Variants in FAM227B observed in about 807,000 individuals in gnomAD.
The protein encoded by FAM227B is protein FAM227B.
Under a neutral mutation model 73.8 loss-of-function variants are expected in FAM227B, and 88 were observed. The observed-to-expected ratio is 1.19, with a 90% CI of 1.00 to 1.42. The LOEUF is 1.42. Ranked by LOEUF, FAM227B falls within the 40% of genes most tolerant of loss-of-function variation. The probability of loss-of-function intolerance (pLI) is 0.00; values close to 1 mark genes in which losing one functional copy is unlikely to be tolerated. For missense variants in FAM227B, 632 were observed against 590.9 expected (o/e 1.07, Z -0.72); for synonymous variants, 210 against 190.5 (o/e 1.10, Z -0.84).
At chr15:49,555,434 AG>A (rs2073554811) in intron 9 of FAM227B, among the ~76,000 whole-genome samples, 1 of 152,142 alleles carries the variant, frequency 6.6e-6, no homozygotes, top group South Asian at 2.1e-4. Flanking sequence ...TAAATTGGTG[AG>A]GTTTCCTTTG....
At chr15:49,413,996 T>C (rs1465041642) in intron 11 of FAM227B, among the ~76,000 whole-genome samples, 1 of 152,040 alleles carries the variant, frequency 6.6e-6, no homozygotes. Context: ...CATAGTAACC[T>C]ATTTATTTCC....
rs1325401346 is a variant in FAM227B at position 49,328,351 on chromosome 15, A to G, written c.*217T>C. 1.4e-6 allele frequency: 2 copies of G among 1,429,098 alleles called. No individual in the cohort carries two copies. The highest frequency in any genetic ancestry group is 1.8e-6 in the Non-Finnish European group (2 of 1,095,382). 88.5% of individuals were successfully genotyped at this position (1,429,098 alleles called of 1,614,324 possible). A position where few individuals can be genotyped will look rare whatever the true frequency, so the allele number is the denominator to read the frequency against. ...AATGATTCTTTTTCCATCTTAAAATATGGTTTTACTATTAAGAGCCAAGAT... is the reference window on the plus strand; with the variant it reads ...AATGATTCTTTTTCCATCTTAAAATGTGGTTTTACTATTAAGAGCCAAGAT... On this transcript the variant is annotated 3_prime_UTR_variant, in exon 16 of 16. Transcript: ENST00000299338.
chr15:49,378,247 T>G (rs183280142), intron 11 of FAM227B, among the ~76,000 whole-genome samples: 1 of 151,970 alleles, frequency 6.6e-6, no homozygotes, highest in African/African-American at 2.4e-5. Context: ...TACCATGCTG[T>G]TTTGGTTCCT....
chr15:49,499,635 T>C (rs2057973969), intron 11 of FAM227B, among the ~76,000 whole-genome samples: 1 of 152,236 alleles, frequency 6.6e-6, no homozygotes, highest in Non-Finnish European at 1.5e-5. Flanking sequence ...TTATAGTACC[T>C]AACTTCAAGA....
intron 12 of FAM227B, among the ~76,000 whole-genome samples, chr15:49,368,938 G>A (rs372615776): frequency 2.4e-4 from 36 of 152,144 alleles, no homozygotes; most frequent in African/African-American, 8.2e-4. Flanking sequence ...ATGCAATCCC[G>A]TGGTGTTGTT....
chr15:49,452,804 C>T (rs1012841875), intron 11 of FAM227B, among the ~76,000 whole-genome samples: 1 of 152,086 alleles, frequency 6.6e-6, no homozygotes, highest in African/African-American at 2.4e-5. Context: ...AATCACAGCA[C>T]AGGGTGCAGG....
At chr15:49,522,992 T>A (rs1373692843) in intron 10 of FAM227B, among the ~76,000 whole-genome samples, 1 of 151,288 alleles carries the variant, frequency 6.6e-6, no homozygotes, top group Non-Finnish European at 1.5e-5. Context: ...AATCAGACTC[T>A]CCATCTCTAC....
chr15:49,503,847 C>T (rs967216669), intron 11 of FAM227B, among the ~76,000 whole-genome samples: 1 of 152,188 alleles, frequency 6.6e-6, no homozygotes, highest in African/African-American at 2.4e-5. Flanking sequence ...ACTAGTTCAA[C>T]CATTGTGGAA....
At chr15:49,424,159 A>G (rs2049924201) in intron 11 of FAM227B, 2 of 715,958 alleles carry the variant, frequency 2.8e-6, no homozygotes, top group African/African-American at 3.5e-5. Context: ...TAAGGCTAAC[A>G]ATTTGGAAAG....
chr15:49,432,634 T>A (rs2050719536), intron 11 of FAM227B, among the ~76,000 whole-genome samples: 1 of 151,618 alleles, frequency 6.6e-6, no homozygotes, highest in African/African-American at 2.4e-5. Context: ...ACTAAATTGT[T>A]TGAATCAAAT....
chr15:49,596,698 T>C (rs549466604), intron 3 of FAM227B, among the ~76,000 whole-genome samples: 237 of 152,044 alleles, frequency 1.6e-3, no homozygotes, highest in African/African-American at 5.4e-3. Flanking sequence ...TAAGAATTCA[T>C]CAACCCAGTA....
At chr15:49,597,773 G>C (rs1306219084) in intron 3 of FAM227B, among the ~76,000 whole-genome samples, 1 of 151,862 alleles carries the variant, frequency 6.6e-6, no homozygotes, top group Non-Finnish European at 1.5e-5. Flanking sequence ...AGCTCAATTA[G>C]GAAAGAAAGG....
At chr15:49,461,480 GCTAAT>G (rs2053792353) in intron 11 of FAM227B, among the ~76,000 whole-genome samples, 1 of 152,142 alleles carries the variant, frequency 6.6e-6, no homozygotes, top group Non-Finnish European at 1.5e-5. Flanking sequence ...GCAGACTTTA[GCTAAT>G]CTGAGAAACT....
chr15:49,589,928 G>A lies in FAM227B; in HGVS notation c.185C>T (p.Ser62Leu). ...TAGGTGTGTATAAATTGAAACAAAT[G>A]AACTATCTTCTTTTATTTTTTTCAG... ...CTLKKIKEDS[S>L]FVSIYTHLWE... is the part of the protein sequence containing the mutation. The change falls in exon 4 of 16, where the codon TCA becomes TTA. Residue 62 changes from serine (S) to leucine (L), a missense_variant. By Grantham distance (145) the Ser-to-Leu change is moderately radical (BLOSUM62 -2). Transcript: ENST00000299338. 6.2e-7 allele frequency: 1 copy of A among 1,600,964 alleles called. No homozygotes were observed. Among genetic ancestry groups the A allele is most frequent in the Non-Finnish European group, 8.6e-7 (1 of 1,168,234 alleles).
chr15:49,551,346 T>C (rs567498896), intron 9 of FAM227B, among the ~76,000 whole-genome samples: 1 of 152,230 alleles, frequency 6.6e-6, no homozygotes, highest in Non-Finnish European at 1.5e-5. Flanking sequence ...CCCTTTATTA[T>C]TATGTAATAA....
At chr15:49,378,768 C>A (rs749793584) in intron 11 of FAM227B, among the ~76,000 whole-genome samples, 30 of 152,092 alleles carry the variant, frequency 2.0e-4, no homozygotes, top group Admixed American at 4.6e-4. Flanking sequence ...TGACTTCTTC[C>A]TTTCCAATTT....
intron 11 of FAM227B, among the ~76,000 whole-genome samples, chr15:49,462,518 T>C (rs2053895157): frequency 6.6e-6 from 1 of 152,238 alleles, no homozygotes; most frequent in Non-Finnish European, 1.5e-5. Context: ...AAAAAGTCTC[T>C]ACTGATTCTA....
intron 10 of FAM227B, among the ~76,000 whole-genome samples, chr15:49,516,677 A>G (rs1419366179): frequency 6.6e-6 from 1 of 152,030 alleles, no homozygotes; most frequent in Non-Finnish European, 1.5e-5. Context: ...CCAGTTATAC[A>G]AAACCTTAAT....
rs140963887 is a variant in FAM227B, at chr15:49,526,777, T to A, written c.874+14903A>T. Reference sequence around the variant, plus strand: ...AGACTATTTTGAACATCTCTATGTGTACAAACTAGAAAACCTAGAAGAAAT... The same window carrying A: ...AGACTATTTTGAACATCTCTATGTGAACAAACTAGAAAACCTAGAAGAAAT... On this transcript the variant is annotated intron_variant, in intron 10 of 15. Transcript: ENST00000299338. Among the ~76,000 whole-genome samples, 467 of 152,030 alleles carry A rather than the reference T, an allele frequency of 3.1e-3. 3 individuals carry two copies. The highest frequency in any genetic ancestry group is 5.8e-3 in the Non-Finnish European group (397 of 67,866).
Sources: gnomAD v4.1 joint callset for allele counts (sites outside exome capture counted in the v4.1 genomes callset) on GRCh38, gnomAD v4.1.1 for gene constraint, MANE v1.5 for transcripts, NCBI Gene and HGNC (gene_info 2026-07-23, HGNC 2026-07-21) for gene names.